Variants in CAMK1D observed in about 807,000 individuals in gnomAD.
The protein encoded by CAMK1D is calcium/calmodulin dependent protein kinase ID.
In CAMK1D, 9 loss-of-function variants were observed where a neutral mutation model predicts 47.7. That is an observed-to-expected ratio of 0.19 (90% CI 0.11 to 0.33). The LOEUF (loss-of-function observed/expected upper bound fraction) is 0.33. Ranked by LOEUF, CAMK1D falls within the 10% of genes least tolerant of loss-of-function variation. CAMK1D has a pLI of 1.00. For missense variants in CAMK1D, 291 were observed against 488.7 expected, an observed-to-expected ratio of 0.60 and a Z score of 3.81; for synonymous variants, 184 against 184.9, an observed-to-expected ratio of 0.99 and a Z score of 0.04.
chr10:12,620,159 C>T (rs796156232), intron 2 of CAMK1D, among the ~76,000 whole-genome samples: 7 of 130,524 alleles, frequency 5.4e-5, no homozygotes, highest in African/African-American at 2.0e-4. Context: ...CGCAGTCCGG[C>T]CTGGGCGACA....
At chr10:12,799,426 AAAG>A (rs768195628) in intron 6 of CAMK1D, among the ~76,000 whole-genome samples, 1 of 151,724 alleles carries the variant, frequency 6.6e-6, no homozygotes, top group East Asian at 2.0e-4. Context: ...AGAGGGAGAA[AAAG>A]AAGGAGAGAA....
rs886125744 is a variant in CAMK1D at position 12,679,748 on chromosome 10, C to T, written c.299+12938C>T. Among the ~76,000 whole-genome samples, 25 of 152,142 alleles carry T rather than the reference C, an allele frequency of 1.6e-4. 1 individual carries two copies. The highest frequency in any genetic ancestry group is 2.1e-4 in the South Asian group (1 of 4,826). On this transcript the variant is annotated intron_variant, in intron 3 of 10. Transcript: ENST00000619168. Reference sequence around the variant, plus strand: ...ATCTCTCTTTTCTTTTGCAGCACCACGACGGACTAAATCCCTCATAATCCG... The same window carrying T: ...ATCTCTCTTTTCTTTTGCAGCACCATGACGGACTAAATCCCTCATAATCCG...
intron 9 of CAMK1D, 148 bp downstream of exon 9, chr10:12,824,700 A>T (rs1018778613): frequency 4.6e-6 from 3 of 655,506 alleles, no homozygotes; most frequent in East Asian, 2.8e-5. Context: ...AGGGAATATT[A>T]TGGTGTAAGA....
intron 3 of CAMK1D, 150 bp downstream of exon 3, chr10:12,666,960 A>G (rs1486678869): frequency 4.9e-5 from 32 of 647,620 alleles, no homozygotes; most frequent in Non-Finnish European, 7.4e-5. Context: ...GCCTGTATCC[A>G]ACTAAAGACG....
chr10:12,589,684 A>G (rs1045792495), intron 2 of CAMK1D, among the ~76,000 whole-genome samples: 2 of 152,180 alleles, frequency 1.3e-5, no homozygotes, highest in Non-Finnish European at 2.9e-5. Context: ...CACAGGGAGT[A>G]GCTTCAGATA....
intron 1 of CAMK1D, among the ~76,000 whole-genome samples, chr10:12,470,511 TTTC>T (rs1057049261): frequency 7.2e-6 from 1 of 139,532 alleles, no homozygotes; most frequent in Admixed American, 7.3e-5. Flanking sequence ...TCTTCTTCTT[TTTC>T]TTCTTCTTTT....
intron 1 of CAMK1D, among the ~76,000 whole-genome samples, chr10:12,357,954 C>T (rs1837564063): frequency 6.6e-6 from 1 of 152,134 alleles, no homozygotes; most frequent in Non-Finnish European, 1.5e-5. Context: ...CCTCCAAATA[C>T]ATGCCGTAGG....
chr10:12,717,310 T>C (rs915223072), intron 3 of CAMK1D, among the ~76,000 whole-genome samples: 1 of 152,178 alleles, frequency 6.6e-6, no homozygotes, highest in Non-Finnish European at 1.5e-5. Context: ...AAAATCAGTA[T>C]AATTAGGCTT....
intron 3 of CAMK1D, among the ~76,000 whole-genome samples, chr10:12,708,736 A>G (rs1055038233): frequency 6.6e-6 from 1 of 152,122 alleles, no homozygotes; most frequent in African/African-American, 2.4e-5. Context: ...ATTCATTTTG[A>G]GGTTGTTAGG....
At chr10:12,377,886 C>G (rs1322739368) in intron 1 of CAMK1D, among the ~76,000 whole-genome samples, 1 of 152,214 alleles carries the variant, frequency 6.6e-6, no homozygotes, top group Non-Finnish European at 1.5e-5. Context: ...TTCATGTTGT[C>G]ACAGGCAATT....
At chr10:12,753,955 A>G (rs185364344) in intron 3 of CAMK1D, among the ~76,000 whole-genome samples, 1 of 151,954 alleles carries the variant, frequency 6.6e-6, no homozygotes, top group African/African-American at 2.4e-5. Flanking sequence ...CAGTGGTGTG[A>G]TCTTGGCTCA....
chr10:12,368,384 T>C (rs944792433), intron 1 of CAMK1D, among the ~76,000 whole-genome samples: 2 of 151,114 alleles, frequency 1.3e-5, no homozygotes, highest in Admixed American at 6.6e-5. Flanking sequence ...CTAGCCTGGG[T>C]CAAACAGCAA....
intron 1 of CAMK1D, among the ~76,000 whole-genome samples, chr10:12,541,103 C>T (rs572075862): frequency 5.7e-4 from 86 of 152,088 alleles, no homozygotes; most frequent in Non-Finnish European, 9.0e-4. Context: ...GTTCTTCAAG[C>T]CTGTGAAAGC....
chr10:12,404,485 C>T (rs1839341457), intron 1 of CAMK1D, among the ~76,000 whole-genome samples: 1 of 152,096 alleles, frequency 6.6e-6, no homozygotes, highest in Non-Finnish European at 1.5e-5. Context: ...TAAATAGGTA[C>T]ACCTTAATTA....
intron 4 of CAMK1D, among the ~76,000 whole-genome samples, chr10:12,761,375 C>T (rs757377093): frequency 2.5e-4 from 38 of 152,296 alleles, no homozygotes; most frequent in Non-Finnish European, 4.6e-4. Flanking sequence ...TCGAGCCTAT[C>T]TAAGAGACGA....
intron 1 of CAMK1D, among the ~76,000 whole-genome samples, chr10:12,535,521 TAAGTA>T (rs1462499764): frequency 6.6e-6 from 1 of 152,144 alleles, no homozygotes; most frequent in Admixed American, 6.5e-5. Context: ...AGCCAGGAGT[TAAGTA>T]AAGTTATTAA....
At position 12,688,072 on chromosome 10, in the gene CAMK1D, C is replaced by T. The variant is rs144773739; in HGVS notation, c.299+21262C>T. 1.2e-4 allele frequency among the ~76,000 whole-genome samples: 18 copies of T among 152,286 alleles called. No individual in the cohort carries two copies. The East Asian group carries it at 3.3e-3, about 28-fold the overall frequency. On this transcript the variant is annotated intron_variant, in intron 3 of 10. Coordinates refer to ENST00000619168, the MANE Select transcript of CAMK1D (RefSeq NM_153498.4). The stretch of plus-strand genomic sequence containing the variant: ...GACACAAAACAGGAGGGAATTAAGG[C>T]GAATGAAATATCCATTTAATGCAGG...
At chr10:12,746,256 C>T (rs912967382) in intron 3 of CAMK1D, among the ~76,000 whole-genome samples, 30 of 150,400 alleles carry the variant, frequency 2.0e-4, no homozygotes, top group Non-Finnish European at 3.8e-4. Flanking sequence ...CCCAGCTACT[C>T]GGGAGGCTGA....
intron 1 of CAMK1D, among the ~76,000 whole-genome samples, chr10:12,399,361 G>C (rs1839087842): frequency 6.6e-6 from 1 of 152,120 alleles, no homozygotes; most frequent in Non-Finnish European, 1.5e-5. Flanking sequence ...AAAATTAGCT[G>C]GGTGTGGTGG....
Sources: allele counts gnomAD v4.1 joint callset (sites outside exome capture counted in the v4.1 genomes callset), GRCh38; gene constraint gnomAD v4.1.1; transcripts MANE v1.5; gene names NCBI Gene and HGNC (gene_info 2026-07-23, HGNC 2026-07-21).